CELF2: variants seen among roughly 807,000 people sequenced by gnomAD.
CELF2 encodes the protein CUG triplet repeat RNA-binding protein 2.
In CELF2, 8 loss-of-function variants were observed where a neutral mutation model predicts 62.6. That is an observed-to-expected ratio of 0.13 (90% CI 0.07 to 0.23). The LOEUF (loss-of-function observed/expected upper bound fraction) is 0.23, where lower values mean the gene tolerates loss of function less well. CELF2 is among the 10% of genes least tolerant of loss of function. The pLI is 1.00. For synonymous variants in CELF2, 258 were observed against 250.0 expected (o/e 1.03, Z -0.30); for missense variants, 333 against 671.0 (o/e 0.50, Z 5.56).
At chr10:10,743,508 T>C in the CELF2 span, among the ~76,000 whole-genome samples, 1 of 152,236 alleles carries the variant, frequency 6.6e-6, no homozygotes, top group Non-Finnish European at 1.5e-5. Context: ...AAGATACCAT[T>C]GGCCCAAACT....
chr10:11,271,787 C>G (rs970789179), intron 7 of CELF2, among the ~76,000 whole-genome samples: 1 of 152,118 alleles, frequency 6.6e-6, no homozygotes, highest in Non-Finnish European at 1.5e-5. Context: ...TTAACTATCC[C>G]TCTTGTGATC....
At chr10:10,522,895 G>C in the CELF2 span, among the ~76,000 whole-genome samples, 13 of 152,286 alleles carry the variant, frequency 8.5e-5, no homozygotes, top group African/African-American at 2.9e-4. Flanking sequence ...TTAATCATAT[G>C]TAATGTGCTT....
chr10:10,499,676 G>A, the CELF2 span, among the ~76,000 whole-genome samples: 4 of 152,134 alleles, frequency 2.6e-5, no homozygotes, highest in African/African-American at 4.8e-5. Flanking sequence ...TCAAGAGTTC[G>A]AGACCAGCCT....
Position 10,939,277 on chromosome 10 carries a change from G to GTGTTGTTGT in CELF2, c.89+19299_89+19307dup, listed in dbSNP as rs77431498. On this transcript the variant is annotated intron_variant, in intron 2 of 13. Transcript: ENST00000636488. Reference sequence around the variant, plus strand: ...AATTAGCAAGTTCTTTTGTTTTGTGGTGTTGTTGTTGTTGTTGTTGTTGTT... The same window carrying GTGTTGTTGT: ...AATTAGCAAGTTCTTTTGTTTTGTGGTGTTGTTGTTGTTGTTGTTGTTGTTGTTGTTGTT... 5.6e-3 allele frequency among the ~76,000 whole-genome samples: 813 copies of GTGTTGTTGT among 144,246 alleles called. 15 individuals carry two copies. Among genetic ancestry groups the GTGTTGTTGT allele is most frequent in the African/African-American group, 0.02 (742 of 37,490 alleles). 94.6% of individuals were successfully genotyped at this position (144,246 alleles called of 152,430 possible).
At chr10:11,092,835 A>T (rs1013797700) in intron 1 of CELF2, among the ~76,000 whole-genome samples, 2 of 152,222 alleles carry the variant, frequency 1.3e-5, no homozygotes, top group Non-Finnish European at 2.9e-5. Flanking sequence ...GAACCCCATC[A>T]GCATTCTAGA....
chr10:11,274,229 C>T (rs977788131), intron 7 of CELF2, among the ~76,000 whole-genome samples: 1 of 152,132 alleles, frequency 6.6e-6, no homozygotes. Context: ...AAAGAAGATC[C>T]ATAAGTTCAG....
rs762679136 is a variant in CELF2 at position 11,324,101 on chromosome 10, C to G, written c.1295-1735C>G. On this transcript the variant is annotated intron_variant, in intron 11 of 12. Transcript: ENST00000633077. This position sits in a 1 kb window ranked among gnomAD's most constrained non-coding sequence, Gnocchi z 4.7. Reference sequence around the variant, plus strand: ...GTGCGTTTACTGGTCTCTCTGTTTCCTTGGTCTCTGTTGGGCATAGACAAA... The same window carrying G: ...GTGCGTTTACTGGTCTCTCTGTTTCGTTGGTCTCTGTTGGGCATAGACAAA... 6.6e-6 allele frequency among the ~76,000 whole-genome samples: 1 copy of G among 152,152 alleles called. No homozygotes were observed. Among genetic ancestry groups the G allele is most frequent in the African/African-American group, 2.4e-5 (1 of 41,424 alleles).
chr10:10,842,178 C>G (rs901134218), intron 1 of CELF2, among the ~76,000 whole-genome samples: 3 of 151,984 alleles, frequency 2.0e-5, no homozygotes, highest in African/African-American at 4.8e-5. Flanking sequence ...TGATTACTTC[C>G]AGCATATTTT....
the CELF2 span, among the ~76,000 whole-genome samples, chr10:10,770,310 C>T: frequency 3.3e-5 from 5 of 151,998 alleles, no homozygotes; most frequent in Non-Finnish European, 5.9e-5. Context: ...CCAGCCTGGG[C>T]GACAGAGCGA....
chr10:10,872,915 G>A (rs1340559844), intron 1 of CELF2, among the ~76,000 whole-genome samples: 2 of 152,104 alleles, frequency 1.3e-5, no homozygotes, highest in African/African-American at 4.8e-5. Context: ...CTTGTCTCAT[G>A]GGACGCTGGT....
At chr10:10,476,465 A>G in the CELF2 span, among the ~76,000 whole-genome samples, 3 of 152,154 alleles carry the variant, frequency 2.0e-5, no homozygotes, top group Non-Finnish European at 2.9e-5. Context: ...TGATCCAAAA[A>G]TCAGGAAGGG....
rs368568858 is a variant in CELF2 at position 11,185,137 on chromosome 10, G to A, written c.271+19455G>A. On this transcript the variant is annotated intron_variant, in intron 2 of 12. Transcript: ENST00000633077. ...TGAGTCTGTTGAGATGATCATATCGGGTTTTTTGTCTGTTTGTAAATATGA... is the reference window on the plus strand; with the variant it reads ...TGAGTCTGTTGAGATGATCATATCGAGTTTTTTGTCTGTTTGTAAATATGA... 6.6e-5 allele frequency among the ~76,000 whole-genome samples: 10 copies of A among 151,834 alleles called. 2 individuals are homozygous for A. In the East Asian group the frequency reaches 1.7e-3, roughly 26 times the overall value.
At chr10:10,510,867 G>C in the CELF2 span, among the ~76,000 whole-genome samples, 5 of 152,194 alleles carry the variant, frequency 3.3e-5, no homozygotes, top group East Asian at 9.7e-4. Flanking sequence ...GAGCCTTCTA[G>C]ATAGGGGGCA....
rs775706995 is a variant in CELF2, at chr10:11,011,603, A to T, written c.53+6163A>T. 4.6e-5 allele frequency among the ~76,000 whole-genome samples: 7 copies of T among 152,216 alleles called. No homozygotes were observed. Among genetic ancestry groups the T allele is most frequent in the Non-Finnish European group, 8.8e-5 (6 of 68,034 alleles). ...GGCAAATATGTAGCTATTCATATAA[A>T]GAGGAAATTGAGAAGTGAAGTGATT... On this transcript the variant is annotated intron_variant, in intron 1 of 12. Coordinates refer to the CELF2 transcript ENST00000416382. The surrounding 1 kb of genome is among the most constrained non-coding windows in gnomAD (Gnocchi z 4.6).
At chr10:11,082,557 C>T (rs1014238926) in intron 1 of CELF2, among the ~76,000 whole-genome samples, 19 of 152,208 alleles carry the variant, frequency 1.2e-4, no homozygotes, top group Non-Finnish European at 2.5e-4. Context: ...CTATGTAAAT[C>T]ACTCCTCTTC....
the CELF2 span, among the ~76,000 whole-genome samples, chr10:10,522,760 G>C: frequency 6.6e-6 from 1 of 152,034 alleles, no homozygotes; most frequent in Admixed American, 6.6e-5. Flanking sequence ...AGTAGAGATG[G>C]GGTTTCATCA....
chr10:11,038,029 C>T (rs1265546953), intron 1 of CELF2, among the ~76,000 whole-genome samples: 1 of 152,100 alleles, frequency 6.6e-6, no homozygotes, highest in Non-Finnish European at 1.5e-5. Flanking sequence ...TAAAAATGCT[C>T]TTTACTCCCT....
the CELF2 span, among the ~76,000 whole-genome samples, chr10:10,733,649 C>A: frequency 3.9e-5 from 6 of 152,268 alleles, no homozygotes; most frequent in Admixed American, 2.0e-4. Context: ...GGTGAAAATC[C>A]TGTCTTGCAT....
rs2096100809 is a variant in CELF2 at position 11,335,403 on chromosome 10, A to G, written c.*6350A>G. On this transcript the variant is annotated 3_prime_UTR_variant, in exon 13 of 13. Coordinates refer to ENST00000633077, the MANE Select transcript of CELF2 (RefSeq NM_001326342.2). The surrounding 1 kb of genome is among the most constrained non-coding windows in gnomAD (Gnocchi z 5.0). Reference sequence around the variant, plus strand: ...GGCAGCCTTCCTCTGCGTGCCAGTGAAATCTCTCCCAGTAGGTGCTCAGGC... The same window carrying G: ...GGCAGCCTTCCTCTGCGTGCCAGTGGAATCTCTCCCAGTAGGTGCTCAGGC... The G allele has an allele frequency of 6.6e-6, 1 of 152,420 alleles. No individual in the cohort carries two copies. The highest frequency in any genetic ancestry group is 6.5e-5 in the Admixed American group (1 of 15,292). 9.4% of individuals were successfully genotyped at this position (152,420 alleles called of 1,614,324 possible). A position where few individuals can be genotyped will look rare whatever the true frequency, so the allele number is the denominator to read the frequency against.
Sources: allele counts gnomAD v4.1 joint callset (sites outside exome capture counted in the v4.1 genomes callset), GRCh38; gene constraint gnomAD v4.1.1; non-coding constraint Gnocchi (gnomAD v3.1); transcripts MANE v1.5; gene names NCBI Gene and HGNC (gene_info 2026-07-23, HGNC 2026-07-21).